Variants in ANXA4 observed in about 807,000 individuals in gnomAD.
ANXA4 encodes annexin A4.
A neutral mutation model predicts 49.8 loss-of-function variants in ANXA4; 39 were observed. The ratio of observed to expected loss-of-function variants is 0.78; its 90% CI spans 0.61 to 1.02. The LOEUF (loss-of-function observed/expected upper bound fraction) is 1.02. Ranked by LOEUF, ANXA4 falls within the 50% of genes least tolerant of loss-of-function variation. The probability of loss-of-function intolerance (pLI) is 0.00; values close to 1 mark genes in which losing one functional copy is unlikely to be tolerated. For missense variants in ANXA4, 360 were observed against 410.1 expected (o/e 0.88, Z 1.05); for synonymous variants, 134 against 152.5 (o/e 0.88, Z 0.89).
At chr2:69,784,495 A>C (rs1672333573) in intron 2 of ANXA4, among the ~76,000 whole-genome samples, 1 of 152,260 alleles carries the variant, frequency 6.6e-6, no homozygotes, top group Non-Finnish European at 1.5e-5. Flanking sequence ...TGGGGCCAAC[A>C]GCCATGTTGG....
chr2:69,820,132 A>G (rs1380237571), intron 11 of ANXA4, among the ~76,000 whole-genome samples: 1 of 152,030 alleles, frequency 6.6e-6, no homozygotes, highest in Non-Finnish European at 1.5e-5. Flanking sequence ...TTGCTCTCAA[A>G]GAATGTCTAG....
At chr2:69,787,954 T>C in intron 2 of ANXA4, 100 bp from the exon 3 acceptor site, 1 of 1,030,052 alleles carries the variant, frequency 9.7e-7, no homozygotes, top group Non-Finnish European at 1.5e-6. Context: ...TAGAATACCA[T>C]CTAGGCTATG....
intron 1 of ANXA4, 48 bp from the exon 2 acceptor site, chr2:69,781,472 A>C: frequency 6.8e-7 from 1 of 1,466,060 alleles, no homozygotes; most frequent in South Asian, 1.2e-5. Context: ...TAATGATTTT[A>C]ATGCCATTTC....
chr2:69,818,797 G>A, intron 10 of ANXA4, 103 bp downstream of exon 10: 1 of 711,684 alleles, frequency 1.4e-6, no homozygotes, highest in Non-Finnish European at 2.3e-6. Flanking sequence ...GATAAAAGTT[G>A]TTTATCATGA....
chr2:69,696,470 G>A (rs537860954), intron 2 of ANXA4, among the ~76,000 whole-genome samples: 10 of 152,166 alleles, frequency 6.6e-5, no homozygotes, highest in African/African-American at 9.7e-5. Context: ...AGTCATCCAC[G>A]AGAGTTAAAA....
intron 1 of ANXA4, among the ~76,000 whole-genome samples, chr2:69,769,990 G>C (rs1029335524): frequency 6.6e-6 from 1 of 152,070 alleles, no homozygotes; most frequent in African/African-American, 2.4e-5. Context: ...AATTACTTGT[G>C]GATTGAAAGG....
intron 3 of ANXA4, among the ~76,000 whole-genome samples, chr2:69,736,048 C>A (rs940822005): frequency 6.6e-6 from 1 of 152,208 alleles, no homozygotes. Flanking sequence ...TCCAAAGGCA[C>A]ATGTTCTGAG....
At chr2:69,711,234 G>A (rs1678669512) in intron 2 of ANXA4, among the ~76,000 whole-genome samples, 1 of 152,210 alleles carries the variant, frequency 6.6e-6, no homozygotes, top group Admixed American at 6.5e-5. Flanking sequence ...GGAGGCTGAG[G>A]CGGGAGAACC....
chr2:69,758,858 C>A (rs1179265484), intron 1 of ANXA4, among the ~76,000 whole-genome samples: 2 of 151,960 alleles, frequency 1.3e-5, no homozygotes, highest in African/African-American at 2.4e-5. Flanking sequence ...ATAGGCCAGG[C>A]ACAGTGGCTC....
chr2:69,673,362 G>C (rs995520737), intron 2 of ANXA4, among the ~76,000 whole-genome samples: 2 of 152,076 alleles, frequency 1.3e-5, no homozygotes, highest in Non-Finnish European at 2.9e-5. Context: ...ACAGGGACAT[G>C]GATGAAGCTG....
chr2:69,742,891 C>T lies in ANXA4; in HGVS notation c.-47+716C>T, dbSNP rs1476198456. 2.0e-5 allele frequency among the ~76,000 whole-genome samples: 3 copies of T among 152,238 alleles called. No individual in the cohort carries two copies. The East Asian group carries it at 5.8e-4, about 29-fold the overall frequency. On this transcript the variant is annotated intron_variant, in intron 1 of 12. Transcript: ENST00000394295. ...CTTTACATGGAACTGGGCATCTGCT[C>T]TCTCCTGCTGACAGTGGGAAGGATA...
chr2:69,711,524 G>A (rs960356991), intron 2 of ANXA4, among the ~76,000 whole-genome samples: 17 of 152,126 alleles, frequency 1.1e-4, no homozygotes, highest in African/African-American at 3.9e-4. Context: ...AGTTTCCTGG[G>A]CTTGGGAGTG....
intron 2 of ANXA4, among the ~76,000 whole-genome samples, chr2:69,654,762 C>G (rs923335326): frequency 1.3e-5 from 2 of 152,150 alleles, no homozygotes; most frequent in African/African-American, 4.8e-5. Context: ...CATCGCACTA[C>G]CTGGCTTCAA....
chr2:69,778,514 G>A (rs1322183811), intron 1 of ANXA4, among the ~76,000 whole-genome samples: 2 of 152,152 alleles, frequency 1.3e-5, no homozygotes, highest in African/African-American at 4.8e-5. Flanking sequence ...GGTGGTTCAC[G>A]CCTGTAATCC....
intron 2 of ANXA4, chr2:69,673,944 G>A (rs1310038531): frequency 1.3e-5 from 2 of 152,206 alleles, no homozygotes; most frequent in African/African-American, 4.8e-5. Context: ...TACCCTACAC[G>A]AGGCTTTGGG....
At chr2:69,713,464 G>A (rs1678746387) in intron 2 of ANXA4, 1 of 152,154 alleles carries the variant, frequency 6.6e-6, no homozygotes, top group South Asian at 2.1e-4. Flanking sequence ...ATTGTAGTAT[G>A]TGCCAATCTC....
intron 1 of ANXA4, among the ~76,000 whole-genome samples, chr2:69,775,371 T>C (rs1356597305): frequency 6.6e-6 from 1 of 152,236 alleles, no homozygotes; most frequent in Non-Finnish European, 1.5e-5. Context: ...TGCATTTCCT[T>C]ATGCTTCCAG....
chr2:69,651,829 G>GT (rs1559040672), intron 1 of ANXA4, among the ~76,000 whole-genome samples: 1 of 16,054 alleles, frequency 6.2e-5, no homozygotes, highest in Non-Finnish European at 1.1e-4. Flanking sequence ...GGGGGGGGGG[G>GT]CGGGGAGACA....
intron 1 of ANXA4, among the ~76,000 whole-genome samples, chr2:69,749,664 C>G (rs985800447): frequency 6.6e-6 from 1 of 151,976 alleles, no homozygotes; most frequent in African/African-American, 2.4e-5. Flanking sequence ...GGCTCTCACA[C>G]CTGTAATCCC....
Sources: gnomAD v4.1 joint callset for allele counts (sites outside exome capture counted in the v4.1 genomes callset) on GRCh38, gnomAD v4.1.1 for gene constraint, MANE v1.5 for transcripts, NCBI Gene and HGNC (gene_info 2026-07-23, HGNC 2026-07-21) for gene names.